PPFIA2: variants seen among roughly 807,000 people sequenced by gnomAD.
PPFIA2 encodes PPFI scaffold protein A2.
PPFIA2 carries 46 observed loss-of-function variants against 175.5 expected under a neutral mutation model. The ratio of observed to expected loss-of-function variants is 0.26; its 90% CI spans 0.21 to 0.34. PPFIA2 has a LOEUF of 0.34. Among genes scored for constraint, PPFIA2 ranks in the 10% least tolerant of loss-of-function variants. PPFIA2 has a pLI of 1.00. For synonymous variants in PPFIA2, 568 were observed against 511.4 expected, an observed-to-expected ratio of 1.11 and a Z score of -1.49; for missense variants, 1,179 against 1,506.1, an observed-to-expected ratio of 0.78 and a Z score of 3.60.
intron 9 of PPFIA2, among the ~76,000 whole-genome samples, chr12:81,379,185 C>G (rs2037073754): frequency 6.6e-6 from 1 of 152,130 alleles, no homozygotes; most frequent in East Asian, 1.9e-4. Context: ...AGAGAAATAG[C>G]TTTTCCCTCT....
chr12:81,313,951 CAG>C (rs1157066819), intron 22 of PPFIA2, among the ~76,000 whole-genome samples: 3 of 151,622 alleles, frequency 2.0e-5, no homozygotes, highest in African/African-American at 4.8e-5. Context: ...TGAAAATAAA[CAG>C]AAAACACAAA....
At chr12:81,314,162 T>A (rs1174013213) in intron 22 of PPFIA2, among the ~76,000 whole-genome samples, 1 of 151,912 alleles carries the variant, frequency 6.6e-6, no homozygotes, top group African/African-American at 2.4e-5. Context: ...AAATGTGTTC[T>A]GCAAAAGACA....
intron 3 of PPFIA2, among the ~76,000 whole-genome samples, chr12:81,745,123 G>A (rs547021278): frequency 6.6e-6 from 1 of 152,270 alleles, no homozygotes; most frequent in African/African-American, 2.4e-5. Flanking sequence ...TCTCTAGCAT[G>A]ATTAGACAAT....
At chr12:81,524,015 C>G (rs991885250) in intron 4 of PPFIA2, among the ~76,000 whole-genome samples, 1 of 152,184 alleles carries the variant, frequency 6.6e-6, no homozygotes, top group Non-Finnish European at 1.5e-5. Context: ...TTTCCACTAC[C>G]ATACTTACAT....
intron 3 of PPFIA2, among the ~76,000 whole-genome samples, chr12:81,682,744 C>T (rs1315065033): frequency 6.6e-6 from 1 of 151,984 alleles, no homozygotes; most frequent in Non-Finnish European, 1.5e-5. Context: ...ATTCCCCTCT[C>T]CCACTACTTT....
intron 8 of PPFIA2, among the ~76,000 whole-genome samples, chr12:81,392,573 C>A (rs2040343589): frequency 6.6e-6 from 1 of 151,860 alleles, no homozygotes. Flanking sequence ...CCTTTCACCC[C>A]TGCCATATTA....
chr12:81,744,695 G>T (rs1245587892), intron 3 of PPFIA2, among the ~76,000 whole-genome samples: 1 of 152,076 alleles, frequency 6.6e-6, no homozygotes, highest in African/African-American at 2.4e-5. Flanking sequence ...CAAAGTGCTG[G>T]GATTACAGGC....
chr12:81,637,602 T>C lies in PPFIA2; in HGVS notation c.303+39189A>G, dbSNP rs546941960. 9.4e-4 allele frequency among the ~76,000 whole-genome samples: 143 copies of C among 152,264 alleles called. 2 individuals are homozygous for C. The highest frequency in any genetic ancestry group is 3.0e-3 in the African/African-American group (125 of 41,538). Reference sequence around the variant, plus strand: ...TGTAGCATTTGCTTACCTGCCTGATTCCTCTGTTACACTATGAGCCTTCTA... The same window carrying C: ...TGTAGCATTTGCTTACCTGCCTGATCCCTCTGTTACACTATGAGCCTTCTA... On this transcript the variant is annotated intron_variant, in intron 4 of 32. Coordinates refer to ENST00000549396, the MANE Select transcript of PPFIA2 (RefSeq NM_003625.5).
chr12:81,416,688 T>A (rs771661706), intron 7 of PPFIA2, among the ~76,000 whole-genome samples: 6 of 151,700 alleles, frequency 4.0e-5, no homozygotes, highest in Non-Finnish European at 8.9e-5. Context: ...TCACAATCAC[T>A]CCCACAGGGC....
At chr12:81,276,009 C>A (rs1006872226) in intron 28 of PPFIA2, among the ~76,000 whole-genome samples, 4 of 152,132 alleles carry the variant, frequency 2.6e-5, no homozygotes, top group African/African-American at 9.7e-5. Flanking sequence ...TGGTCTTGAT[C>A]TCCTGACCTC....
At chr12:81,723,716 T>C (rs760512388) in intron 3 of PPFIA2, among the ~76,000 whole-genome samples, 14 of 150,934 alleles carry the variant, frequency 9.3e-5, no homozygotes, top group South Asian at 2.1e-4. Flanking sequence ...ACTATTGTAA[T>C]GCAAATTAGA....
At chr12:81,271,063 T>A (rs2038950313) in intron 28 of PPFIA2, among the ~76,000 whole-genome samples, 1 of 152,222 alleles carries the variant, frequency 6.6e-6, no homozygotes. Context: ...TGTTCTTATA[T>A]TGAAAGTGTG....
intron 14 of PPFIA2, among the ~76,000 whole-genome samples, chr12:81,365,407 T>G (rs2032859883): frequency 6.6e-6 from 1 of 151,808 alleles, no homozygotes; most frequent in Non-Finnish European, 1.5e-5. Flanking sequence ...ATGCAAAGCA[T>G]GGCATGATTA....
intron 4 of PPFIA2, among the ~76,000 whole-genome samples, chr12:81,661,653 T>G (rs1365219284): frequency 1.3e-5 from 2 of 152,032 alleles, no homozygotes; most frequent in African/African-American, 2.4e-5. Flanking sequence ...GACAGAAAGT[T>G]AACAAGGATA....
At chr12:81,385,126 T>A (rs2038638927) in intron 8 of PPFIA2, among the ~76,000 whole-genome samples, 1 of 152,038 alleles carries the variant, frequency 6.6e-6, no homozygotes, top group Non-Finnish European at 1.5e-5. Flanking sequence ...CAACAACGCA[T>A]CAGGAAAATG....
chr12:81,688,477 A>G (rs1235690709), intron 3 of PPFIA2, among the ~76,000 whole-genome samples: 2 of 151,902 alleles, frequency 1.3e-5, no homozygotes, highest in Admixed American at 1.3e-4. Flanking sequence ...CATGATGCTT[A>G]GATCTTCTCC....
chr12:81,266,569 C>T (rs1327588967), intron 30 of PPFIA2, among the ~76,000 whole-genome samples: 1 of 151,996 alleles, frequency 6.6e-6, no homozygotes, highest in Admixed American at 6.6e-5. Context: ...TCTAAAATTT[C>T]CTGGCAAGAT....
intron 22 of PPFIA2, among the ~76,000 whole-genome samples, chr12:81,314,169 G>A (rs117779058): frequency 0.012 from 1,774 of 151,768 alleles, 15 homozygotes; most frequent in East Asian, 0.025. Flanking sequence ...TTCTGCAAAA[G>A]ACAAAAATCT....
intron 4 of PPFIA2, among the ~76,000 whole-genome samples, chr12:81,645,716 A>G (rs2065966544): frequency 6.6e-6 from 1 of 152,364 alleles, no homozygotes; most frequent in South Asian, 2.1e-4. Context: ...CATGGAGCCA[A>G]GTGAAAGCAG....
Sources: allele counts gnomAD v4.1 joint callset (sites outside exome capture counted in the v4.1 genomes callset), GRCh38; gene constraint gnomAD v4.1.1; transcripts MANE v1.5; gene names NCBI Gene and HGNC (gene_info 2026-07-23, HGNC 2026-07-21).